Variants in ADGRG1 observed in about 807,000 individuals in gnomAD.
ADGRG1 encodes the protein adhesion G protein-coupled receptor G1.
In ADGRG1, 53 loss-of-function variants were observed where a neutral mutation model predicts 73.5. The observed-to-expected ratio is 0.72, with a 90% CI of 0.58 to 0.91. The LOEUF (loss-of-function observed/expected upper bound fraction) is 0.91, where lower values mean the gene tolerates loss of function less well. Among genes scored for constraint, ADGRG1 ranks in the 40% least tolerant of loss-of-function variants. The probability of loss-of-function intolerance (pLI) is 0.00; values close to 1 mark genes in which losing one functional copy is unlikely to be tolerated. For missense variants in ADGRG1, 795 were observed against 871.8 expected (o/e 0.91, Z 1.11); for synonymous variants, 394 against 374.4 (o/e 1.05, Z -0.60).
chr16:57,626,073 G>T (rs2035778912), upstream of ADGRG1, among the ~76,000 whole-genome samples: 1 of 152,194 alleles, frequency 6.6e-6, no homozygotes, highest in Non-Finnish European at 1.5e-5. Context: ...ACTGTTGTGA[G>T]AACAGAAGGA....
At chr16:57,627,023 G>A, upstream of ADGRG1, 2 of 984,016 alleles carry the variant, frequency 2.0e-6, no homozygotes, top group Non-Finnish European at 1.2e-6. Context: ...CCCTGCCCCA[G>A]GTATTGGCCC....
In ADGRG1 at chr16:57,655,453, C is replaced by T; in HGVS notation, c.823C>T (p.Gln275Ter). Residue 275 changes from glutamine to a stop codon, truncating the protein, a stop_gained, in exon 6 of 14, where the codon CAG (glutamine) becomes TAG (stop). Coordinates refer to ENST00000562631, the MANE Select transcript of ADGRG1 (RefSeq NM_201525.4). LOFTEE classifies it high-confidence loss of function. ...GGTGCTGCTGCCTCGAACACTCTTC[C>T]AGAGGACGAAAGGCCGGAGCGGGGA... ...YSVLLPRTLF[Q>*]RTKGRSGEAE... 1 of 1,613,818 alleles carries T rather than the reference C, an allele frequency of 6.2e-7. No individual in the cohort carries two copies. Among genetic ancestry groups the T allele is most frequent in the Non-Finnish European group, 8.5e-7 (1 of 1,179,990 alleles).
In ADGRG1 at chr16:57,663,782, TCTCA is replaced by T. The variant is rs2047840027; in HGVS notation, c.*205_*208del. On this transcript the variant is annotated 3_prime_UTR_variant, in exon 14 of 14. Transcript: ENST00000562631. The stretch of plus-strand genomic sequence containing the variant: ...GAATTGGCCTTGGGGACTACTCGGC[TCTCA>T]CTCAGCTCCCACGGGACTCAGAAGT... The T allele has an allele frequency of 3.2e-6, 2 of 634,088 alleles. No individual in the cohort carries two copies. Among genetic ancestry groups the T allele is most frequent in the Non-Finnish European group, 5.6e-6 (2 of 358,472 alleles). The allele number at this position is 634,088 out of a possible 1,614,324, so 39.3% of individuals were successfully genotyped here. A position where few individuals can be genotyped will look rare whatever the true frequency, so the allele number is the denominator to read the frequency against.
chr16:57,626,146 A>C (rs2035790596), upstream of ADGRG1, among the ~76,000 whole-genome samples: 1 of 152,172 alleles, frequency 6.6e-6, no homozygotes, highest in Non-Finnish European at 1.5e-5. Context: ...CAGCCCACAC[A>C]CCTGGAGGCC....
intron 1 of ADGRG1, chr16:57,640,408 T>C (rs1203499569): frequency 6.6e-6 from 1 of 152,250 alleles, no homozygotes; most frequent in African/African-American, 2.4e-5. Context: ...TCGCTGGCCT[T>C]ATTTGTTGAG....
chr16:57,628,077 C>A (rs1335005511), upstream of ADGRG1: 4 of 985,244 alleles, frequency 4.1e-6, no homozygotes, highest in African/African-American at 1.7e-5. Flanking sequence ...CCCGGGGGGA[C>A]GCAGGTCAGC....
rs1166892695 is a variant in ADGRG1, at chr16:57,663,935, G to T, written c.*353G>T. ...GGGGGCCAGGCCTTGGATCTTGAGG[G>T]TCTGGCACATCCTTAATCCTGTGCC... On this transcript the variant is annotated 3_prime_UTR_variant, in exon 14 of 14. Transcript: ENST00000562631. 4 of 390,716 alleles carry T rather than the reference G, an allele frequency of 1.0e-5. No homozygotes were observed. Among genetic ancestry groups the T allele is most frequent in the Non-Finnish European group, 4.8e-6 (1 of 208,316 alleles). The allele number at this position is 390,716 out of a possible 1,614,324, so 24.2% of individuals were successfully genotyped here.
At chr16:57,628,587 G>A (rs2036377960), upstream of ADGRG1, 1 of 985,554 alleles carries the variant, frequency 1.0e-6, no homozygotes, top group South Asian at 4.7e-5. Flanking sequence ...TGGGGCAGGA[G>A]AGGGGTGTCT....
chr16:57,638,183 T>C (rs1183779775), intron 1 of ADGRG1, among the ~76,000 whole-genome samples: 8 of 152,156 alleles, frequency 5.3e-5, no homozygotes, highest in African/African-American at 1.7e-4. Flanking sequence ...GGGGGAGAGT[T>C]AGGGATTAGC....
intron 1 of ADGRG1, chr16:57,647,547 T>C (rs1311950603): frequency 1.6e-6 from 1 of 607,694 alleles, no homozygotes; most frequent in Non-Finnish European, 2.1e-6. Context: ...TTGACTTCTT[T>C]ATTCTTCTTT....
At chr16:57,646,783 G>A (rs2042761394) in intron 1 of ADGRG1, 2 of 867,868 alleles carry the variant, frequency 2.3e-6, no homozygotes, top group Non-Finnish European at 2.8e-6. Context: ...AATGGTAGCA[G>A]TGAGACCCGT....
At chr16:57,642,291 C>A (rs1343587305) in intron 1 of ADGRG1, 2 of 985,158 alleles carry the variant, frequency 2.0e-6, no homozygotes, top group African/African-American at 3.5e-5. Flanking sequence ...CTGAATATAC[C>A]CCAGGCTCAC....
Position 57,630,476 on chromosome 16 carries a change from G to T in ADGRG1, c.-36+1674G>T, listed in dbSNP as rs2037500432. 3 of 985,562 alleles carry T rather than the reference G, an allele frequency of 3.0e-6. No homozygotes were observed. In the South Asian group the frequency reaches 1.4e-4, roughly 46 times the overall value. 61.1% of individuals were successfully genotyped at this position (985,562 alleles called of 1,614,324 possible). On this transcript the variant is annotated intron_variant, in intron 1 of 13. Transcript: ENST00000562631. ...GCCTCAGGAGCTCAGCTGCTAAATG[G>T]GTGTGTAGGGGTGATCACAGCTGCC...
intron 1 of ADGRG1, chr16:57,632,293 A>G (rs1381378841): frequency 8.1e-6 from 8 of 985,304 alleles, no homozygotes; most frequent in Non-Finnish European, 9.6e-6. Context: ...GCCCGTAGAG[A>G]CAGCAAGGGT....
At chr16:57,650,232 A>G (rs1309105818) in intron 1 of ADGRG1, 21 bp from the exon 2 acceptor site, 1 of 1,584,710 alleles carries the variant, frequency 6.3e-7, no homozygotes, top group African/African-American at 1.3e-5. Context: ...ACTCCCAGCT[A>G]ACACTCCTGG....
At chr16:57,625,497 T>G (rs1337968005), upstream of ADGRG1, 2 of 882,100 alleles carry the variant, frequency 2.3e-6, no homozygotes, top group African/African-American at 3.6e-5. Flanking sequence ...CCCCCGCTCT[T>G]CCCCCATCTG....
intron 5 of ADGRG1, chr16:57,655,172 A>G: frequency 1.0e-6 from 1 of 985,374 alleles, no homozygotes; most frequent in Non-Finnish European, 1.2e-6. Context: ...TCCCAGGGCT[A>G]TTTGCCCTGG....
At chr16:57,650,091 G>A in intron 1 of ADGRG1, 162 bp from the exon 2 acceptor site, 1 of 974,898 alleles carries the variant, frequency 1.0e-6, no homozygotes, top group East Asian at 1.1e-4. Context: ...CTGCCTCTTG[G>A]GGAGCGGCCT....
At chr16:57,652,945 G>T in intron 3 of ADGRG1, 1 of 1,359,548 alleles carries the variant, frequency 7.4e-7, no homozygotes, top group Non-Finnish European at 9.5e-7. Context: ...TCTGCGGAGG[G>T]TGCTGAGCAA....
Sources: gnomAD v4.1 joint callset for allele counts (sites outside exome capture counted in the v4.1 genomes callset) on GRCh38, gnomAD v4.1.1 for gene constraint, MANE v1.5 for transcripts, NCBI Gene and HGNC (gene_info 2026-07-23, HGNC 2026-07-21) for gene names.